The following OPRM1 variants were observed in gnomAD, a reference collection of about 807,000 sequenced individuals.
OPRM1 encodes the protein opioid receptor mu 1.
Under a neutral mutation model 31.8 loss-of-function variants are expected in OPRM1, and 27 were observed. The observed-to-expected ratio is 0.85, with a 90% CI of 0.63 to 1.17. OPRM1 has a LOEUF of 1.17. OPRM1 is among the 50% of genes most tolerant of loss of function. The pLI is 0.00. For synonymous variants in OPRM1, 196 were observed against 189.9 expected (o/e 1.03, Z -0.26); for missense variants, 536 against 511.1 (o/e 1.05, Z -0.47).
At chr6:154,017,946 T>G (rs1778102809) in intron 1 of OPRM1, among the ~76,000 whole-genome samples, 1 of 152,172 alleles carries the variant, frequency 6.6e-6, no homozygotes, top group Non-Finnish European at 1.5e-5. Context: ...ACAGTACGTA[T>G]TCATGATCAC....
At chr6:154,200,051 CAAAT>C in intron 3 of OPRM1, 1 of 1,568,962 alleles carries the variant, frequency 6.4e-7, no homozygotes, top group Non-Finnish European at 8.6e-7. Context: ...CTATTTTTCA[CAAAT>C]AAAACCAAAA....
At chr6:154,175,386 CTTTT>C in intron 3 of OPRM1, among the ~76,000 whole-genome samples, 2 of 143,346 alleles carry the variant, frequency 1.4e-5, no homozygotes, top group East Asian at 4.0e-4. Flanking sequence ...AATCCAGGAG[CTTTT>C]TTTTTTTTGA....
chr6:154,013,287 T>C (rs1777828059), intron 1 of OPRM1, among the ~76,000 whole-genome samples: 1 of 152,148 alleles, frequency 6.6e-6, no homozygotes, highest in African/African-American at 2.4e-5. Context: ...TACATGAAAT[T>C]CTTAGAAGAG....
At chr6:154,085,942 C>T (rs1370627568) in intron 1 of OPRM1, among the ~76,000 whole-genome samples, 1 of 140,504 alleles carries the variant, frequency 7.1e-6, no homozygotes, top group African/African-American at 2.8e-5. Flanking sequence ...GGCTGGAATG[C>T]AGTGGTACGA....
At chr6:154,222,213 G>A (rs1320455955) in intron 3 of OPRM1, among the ~76,000 whole-genome samples, 1 of 152,212 alleles carries the variant, frequency 6.6e-6, no homozygotes, top group Non-Finnish European at 1.5e-5. Flanking sequence ...AATGAGAAGG[G>A]CTTCCACTTT....
At chr6:154,087,463 A>T (rs1790871793) in intron 1 of OPRM1, 1 of 985,464 alleles carries the variant, frequency 1.0e-6, no homozygotes, top group Non-Finnish European at 1.2e-6. Context: ...AAGCCCAAGG[A>T]GGGCCTGGCT....
intron 3 of OPRM1, among the ~76,000 whole-genome samples, chr6:154,197,910 T>C (rs1016085526): frequency 2.0e-5 from 3 of 152,350 alleles, no homozygotes; most frequent in Admixed American, 6.5e-5. Flanking sequence ...AAATAATAGA[T>C]GTAGTACTTT....
intron 3 of OPRM1, chr6:154,158,871 C>G (rs955254778): frequency 6.6e-6 from 1 of 152,108 alleles, no homozygotes; most frequent in African/African-American, 2.4e-5. Context: ...AAATAAATCC[C>G]TCATGTTTAA....
downstream of OPRM1, among the ~76,000 whole-genome samples, chr6:154,136,607 C>T (rs999058631): frequency 1.3e-5 from 2 of 152,156 alleles, no homozygotes; most frequent in African/African-American, 4.8e-5. Context: ...CCGCTTGGTT[C>T]CTGGGCCCTC....
chr6:154,193,329 G>A (rs1327526437), intron 3 of OPRM1, among the ~76,000 whole-genome samples: 1 of 152,156 alleles, frequency 6.6e-6, no homozygotes, highest in Non-Finnish European at 1.5e-5. Flanking sequence ...AGGATGCAAA[G>A]GCACGATAAA....
intron 3 of OPRM1, among the ~76,000 whole-genome samples, chr6:154,110,886 C>CAAAAA (rs374739553): frequency 0.19 from 12,201 of 63,346 alleles, 1,903 homozygotes; most frequent in East Asian, 0.31. Flanking sequence ...GACTCCGTCT[C>CAAAAA]AAAAAAAAAA....
chr6:154,175,513 A>C (rs1209063034), intron 3 of OPRM1, among the ~76,000 whole-genome samples: 1 of 152,146 alleles, frequency 6.6e-6, no homozygotes, highest in East Asian at 1.9e-4. Flanking sequence ...CCACAGAAAT[A>C]CAAACTACCA....
At chr6:154,035,632 G>A (rs558154841), upstream of OPRM1, among the ~76,000 whole-genome samples, 1 of 152,166 alleles carries the variant, frequency 6.6e-6, no homozygotes, top group Non-Finnish European at 1.5e-5. Context: ...ACAGAATCAG[G>A]ACTAAGCTAT....
At chr6:154,021,516 G>T (rs1447425169) in intron 1 of OPRM1, among the ~76,000 whole-genome samples, 12 of 151,984 alleles carry the variant, frequency 7.9e-5, no homozygotes. Context: ...ATTTTGATTG[G>T]GTCTGCCTTG....
chr6:154,234,837 T>C (rs1779988656), intron 3 of OPRM1, among the ~76,000 whole-genome samples: 1 of 152,210 alleles, frequency 6.6e-6, no homozygotes, highest in South Asian at 2.1e-4. Context: ...CCTTCTGAAA[T>C]GTAATTTTAA....
rs1309094235 is a variant in OPRM1 at position 154,168,733 on chromosome 6, G to C, written c.1164+77261G>C. 6.6e-6 allele frequency among the ~76,000 whole-genome samples: 1 copy of C among 151,930 alleles called. No individual in the cohort carries two copies. The highest frequency in any genetic ancestry group is 6.6e-5 in the Admixed American group (1 of 15,266). On this transcript the variant is annotated intron_variant, in intron 3 of 3. Transcript: ENST00000337049. The surrounding 1 kb of genome is among the most constrained non-coding windows in gnomAD (Gnocchi z 4.1). ...TGATTCTCCTGTCTCAGCCTCCCAAGTAGCTGGGATTACAGGCACCTGCCA... is the reference window on the plus strand; with the variant it reads ...TGATTCTCCTGTCTCAGCCTCCCAACTAGCTGGGATTACAGGCACCTGCCA...
intron 1 of OPRM1, 105 bp from the exon 2 acceptor site, chr6:154,089,721 C>T: frequency 2.6e-6 from 2 of 762,232 alleles, no homozygotes; most frequent in Non-Finnish European, 4.2e-6. Flanking sequence ...TATCTAATCT[C>T]AAAAAAGCTT....
chr6:154,124,797 C>T lies in OPRM1; in HGVS notation c.*6076C>T, dbSNP rs1055879024. On this transcript the variant is annotated 3_prime_UTR_variant, in exon 4 of 4. Coordinates refer to ENST00000330432, the MANE Select transcript of OPRM1 (RefSeq NM_000914.5). Reference sequence around the variant, plus strand: ...AAAGGGCAAGGAAAAAAGATGAAAGCTTACTCATATTAACCATTCTACCAT... The same window carrying T: ...AAAGGGCAAGGAAAAAAGATGAAAGTTTACTCATATTAACCATTCTACCAT... 3.9e-5 allele frequency among the ~76,000 whole-genome samples: 6 copies of T among 152,148 alleles called. No homozygotes were observed. The South Asian group carries it at 8.3e-4, about 21-fold the overall frequency.
At chr6:154,210,918 T>G (rs1380403540) in intron 3 of OPRM1, among the ~76,000 whole-genome samples, 1 of 152,120 alleles carries the variant, frequency 6.6e-6, no homozygotes, top group African/African-American at 2.4e-5. Flanking sequence ...CCACTGACAG[T>G]GTGAAAAAAC....
Sources: allele counts gnomAD v4.1 joint callset (sites outside exome capture counted in the v4.1 genomes callset), GRCh38; gene constraint gnomAD v4.1.1; non-coding constraint Gnocchi (gnomAD v3.1); transcripts MANE v1.5; gene names NCBI Gene and HGNC (gene_info 2026-07-23, HGNC 2026-07-21).